Variants in NAV2 observed in about 807,000 individuals in gnomAD.
The protein encoded by NAV2 is neuron navigator 2.
A neutral mutation model predicts 223.2 loss-of-function variants in NAV2; 54 were observed. The observed-to-expected ratio is 0.24, with a 90% CI of 0.19 to 0.30. The LOEUF is 0.30. Ranked by LOEUF, NAV2 falls within the 10% of genes least tolerant of loss-of-function variation. NAV2 has a pLI of 1.00. For missense variants in NAV2, 2,806 were observed against 3,147.5 expected (o/e 0.89, Z 2.60); for synonymous variants, 1,279 against 1,239.3 (o/e 1.03, Z -0.67).
chr11:19,566,607 G>A (rs980826322), intron 1 of NAV2, among the ~76,000 whole-genome samples: 3 of 152,214 alleles, frequency 2.0e-5, no homozygotes, highest in African/African-American at 4.8e-5. Flanking sequence ...CAGCTGGTTG[G>A]AGCTGCTTGT....
At chr11:19,944,999 C>T (rs1360705153) in intron 8 of NAV2, among the ~76,000 whole-genome samples, 1 of 137,360 alleles carries the variant, frequency 7.3e-6, no homozygotes, top group Non-Finnish European at 1.6e-5. Flanking sequence ...CTTTCCATTT[C>T]CATTTTCCTT....
At chr11:19,627,470 G>C (rs10833142) in intron 1 of NAV2, among the ~76,000 whole-genome samples, 20,284 of 152,004 alleles carry the variant, frequency 0.13, 3,768 homozygotes, top group African/African-American at 0.42. Context: ...CATGGAAGTG[G>C]GAGGTTTTTC....
At chr11:19,476,011 A>G (rs1364216717) in intron 1 of NAV2, among the ~76,000 whole-genome samples, 1 of 152,038 alleles carries the variant, frequency 6.6e-6, no homozygotes, top group African/African-American at 2.4e-5. Flanking sequence ...GTCTTACTCT[A>G]CTCACTAGGC....
intron 1 of NAV2, among the ~76,000 whole-genome samples, chr11:19,622,364 T>A (rs1419795039): frequency 6.6e-6 from 1 of 152,162 alleles, no homozygotes; most frequent in African/African-American, 2.4e-5. Flanking sequence ...GGTGTTAAAG[T>A]CTCCCATTAT....
intron 1 of NAV2, chr11:19,510,909 T>C (rs2043259387): frequency 6.6e-6 from 1 of 152,230 alleles, no homozygotes; most frequent in African/African-American, 2.4e-5. Context: ...AGGTTTTCAC[T>C]TTTATTTATA....
chr11:19,854,345 C>G (rs1450397656), intron 3 of NAV2, among the ~76,000 whole-genome samples: 1 of 152,148 alleles, frequency 6.6e-6, no homozygotes, highest in Non-Finnish European at 1.5e-5. Flanking sequence ...TGGACAAGTG[C>G]CAGTGTGCTC....
At chr11:19,479,378 A>G (rs2042213216) in intron 1 of NAV2, among the ~76,000 whole-genome samples, 1 of 152,124 alleles carries the variant, frequency 6.6e-6, no homozygotes, top group Non-Finnish European at 1.5e-5. Flanking sequence ...CCACTGCTGG[A>G]TAGTAATGTT....
intron 6 of NAV2, among the ~76,000 whole-genome samples, chr11:19,923,862 T>C (rs2044492372): frequency 1.3e-5 from 2 of 152,190 alleles, no homozygotes; most frequent in South Asian, 4.1e-4. Flanking sequence ...AAGCAAAAGT[T>C]TTCTCCTGGG....
chr11:19,473,928 T>C (rs1353141945), intron 1 of NAV2, among the ~76,000 whole-genome samples: 2 of 152,220 alleles, frequency 1.3e-5, no homozygotes, highest in East Asian at 3.8e-4. Context: ...CCTCCTTGGC[T>C]GAATTTGAGA....
At chr11:20,075,247 C>T (rs1360066827) in intron 22 of NAV2, among the ~76,000 whole-genome samples, 2 of 148,484 alleles carry the variant, frequency 1.3e-5, no homozygotes, top group African/African-American at 2.5e-5. Flanking sequence ...GAGACAGAGT[C>T]TCATCCCGCT....
At chr11:19,505,727 A>G (rs1380992387) in intron 1 of NAV2, 1 of 152,212 alleles carries the variant, frequency 6.6e-6, no homozygotes, top group Non-Finnish European at 1.5e-5. Context: ...ATGCAGCCTA[A>G]ATGAAGTTCC....
At chr11:19,926,968 G>A (rs1309122488) in intron 6 of NAV2, among the ~76,000 whole-genome samples, 1 of 152,222 alleles carries the variant, frequency 6.6e-6, no homozygotes, top group East Asian at 1.9e-4. Context: ...CACTGAAGGA[G>A]AGAGGAAGAA....
intron 1 of NAV2, among the ~76,000 whole-genome samples, chr11:19,618,485 T>G (rs1278535293): frequency 2.0e-5 from 2 of 98,868 alleles, no homozygotes; most frequent in Admixed American, 1.1e-4. Flanking sequence ...TATATGGCTG[T>G]CTGGATAGAT....
intron 19 of NAV2, among the ~76,000 whole-genome samples, chr11:20,058,850 C>T (rs7106003): frequency 0.099 from 15,033 of 152,156 alleles, 775 homozygotes; most frequent in Middle Eastern, 0.16. Flanking sequence ...TAACAAATAA[C>T]TTTGAAAGGG....
At chr11:19,651,114 A>G (rs1565138024) in intron 1 of NAV2, among the ~76,000 whole-genome samples, 1 of 152,158 alleles carries the variant, frequency 6.6e-6, no homozygotes, top group African/African-American at 2.4e-5. Context: ...GAATCCCATC[A>G]TCTGAGTCTC....
At chr11:19,769,327 A>G (rs761732135) in intron 1 of NAV2, among the ~76,000 whole-genome samples, 1 of 152,224 alleles carries the variant, frequency 6.6e-6, no homozygotes, top group Admixed American at 6.5e-5. Flanking sequence ...ATTATGACCA[A>G]TGCAATGTCA....
chr11:19,634,604 A>C (rs1300231277), intron 1 of NAV2, among the ~76,000 whole-genome samples: 1 of 152,202 alleles, frequency 6.6e-6, no homozygotes, highest in African/African-American at 2.4e-5. Flanking sequence ...CATTTACTCA[A>C]CTGCTACTCT....
intron 1 of NAV2, among the ~76,000 whole-genome samples, chr11:19,817,078 C>T (rs1245887793): frequency 6.6e-6 from 1 of 152,192 alleles, no homozygotes; most frequent in Non-Finnish European, 1.5e-5. Context: ...CCCCACTGCT[C>T]AGGTTTCTTG....
intron 10 of NAV2, among the ~76,000 whole-genome samples, chr11:19,967,401 GT>G (rs10551582): frequency 0.51 from 77,082 of 151,344 alleles, 20,474 homozygotes; most frequent in Non-Finnish European, 0.57. Flanking sequence ...TAAGGCAGAG[GT>G]TTTTTTTTAG....
Sources: gnomAD v4.1 joint callset for allele counts (sites outside exome capture counted in the v4.1 genomes callset) on GRCh38, gnomAD v4.1.1 for gene constraint, MANE v1.5 for transcripts, NCBI Gene and HGNC (gene_info 2026-07-23, HGNC 2026-07-21) for gene names.